AP3B1: variants seen among roughly 807,000 people sequenced by gnomAD.
The protein encoded by AP3B1 is AP-3 complex subunit beta-1.
AP3B1 carries 61 observed loss-of-function variants against 132.5 expected under a neutral mutation model. The observed-to-expected ratio is 0.46, with a 90% confidence interval of 0.37 to 0.57. The LOEUF (loss-of-function observed/expected upper bound fraction) is 0.57, where lower values mean the gene tolerates loss of function less well. AP3B1 is among the 20% of genes least tolerant of loss of function. The pLI is 0.00. For synonymous variants in AP3B1, 388 were observed against 438.3 expected (o/e 0.89, Z 1.43); for missense variants, 1,120 against 1,289.4 (o/e 0.87, Z 2.01).
intron 8 of AP3B1, among the ~76,000 whole-genome samples, chr5:78,181,124 C>T (rs575057376): frequency 1.6e-4 from 25 of 152,164 alleles, no homozygotes; most frequent in Non-Finnish European, 2.8e-4. Context: ...GATAAATATA[C>T]ATAGTTCTTA....
chr5:78,211,899 A>T (rs180814705), intron 7 of AP3B1, among the ~76,000 whole-genome samples: 181 of 152,372 alleles, frequency 1.2e-3, no homozygotes, highest in African/African-American at 4.0e-3. Flanking sequence ...GTCTTAAGTG[A>T]CTTGCTAAAA....
At chr5:78,096,590 C>T (rs1750798937) in intron 21 of AP3B1, among the ~76,000 whole-genome samples, 2 of 151,432 alleles carry the variant, frequency 1.3e-5, no homozygotes, top group African/African-American at 2.4e-5. Flanking sequence ...GGCCGCCCAT[C>T]GTCTGAGATG....
At chr5:78,080,463 T>TC (rs1391872002) in intron 22 of AP3B1, among the ~76,000 whole-genome samples, 2 of 149,968 alleles carry the variant, frequency 1.3e-5, no homozygotes, top group African/African-American at 2.5e-5. Context: ...CTTTTTTTTT[T>TC]TTCTTTTTCT....
chr5:78,209,416 T>C (rs1170532941), intron 7 of AP3B1, among the ~76,000 whole-genome samples: 1 of 152,214 alleles, frequency 6.6e-6, no homozygotes, highest in Non-Finnish European at 1.5e-5. Flanking sequence ...ACATTTCCGT[T>C]CTATTGATTC....
At chr5:78,173,349 C>T (rs1476117750) in intron 11 of AP3B1, among the ~76,000 whole-genome samples, 1 of 152,102 alleles carries the variant, frequency 6.6e-6, no homozygotes, top group Non-Finnish European at 1.5e-5. Flanking sequence ...CTAATATTGA[C>T]AGTGGGGTGT....
In AP3B1 at chr5:78,036,335, G is replaced by T. The variant is rs1017783562; in HGVS notation, c.2810-1890C>A. Among the ~76,000 whole-genome samples the T allele has an allele frequency of 2.0e-5, 3 of 152,232 alleles. No homozygotes were observed. In the East Asian group the frequency reaches 5.8e-4, roughly 29 times the overall value. On this transcript the variant is annotated intron_variant, in intron 23 of 26. Transcript: ENST00000255194. Reference sequence around the variant, plus strand: ...AAACTGGGAAAGCTTACCCAATTAGGTGTCTCTGTTTGGACACCATTTCTA... The same window carrying T: ...AAACTGGGAAAGCTTACCCAATTAGTTGTCTCTGTTTGGACACCATTTCTA...
chr5:78,259,262 A>T (rs1747980816), intron 2 of AP3B1, among the ~76,000 whole-genome samples: 1 of 149,994 alleles, frequency 6.7e-6, no homozygotes, highest in African/African-American at 2.4e-5. Flanking sequence ...AAAAAAAAAG[A>T]AAGAAAGAAA....
At chr5:78,083,228 A>C (rs1460199413) in intron 22 of AP3B1, among the ~76,000 whole-genome samples, 2 of 152,238 alleles carry the variant, frequency 1.3e-5, no homozygotes, top group Non-Finnish European at 2.9e-5. Flanking sequence ...TTTGATAAGA[A>C]ACAAAAAACG....
At chr5:78,107,974 A>G (rs1414656769) in intron 20 of AP3B1, among the ~76,000 whole-genome samples, 1 of 152,220 alleles carries the variant, frequency 6.6e-6, no homozygotes, top group Non-Finnish European at 1.5e-5. Flanking sequence ...AGGTACTAGC[A>G]TGTCTGCTTT....
chr5:78,015,399 A>G lies in AP3B1; in HGVS notation c.3131+11T>C. On this transcript the variant is annotated intron_variant, in intron 26 of 26. Coordinates refer to ENST00000255194, the MANE Select transcript of AP3B1 (RefSeq NM_003664.5). ...CATCTTCACCTCCACATCGTGTGTTAGTGAACCTACCTGTGTATATTATCC... is the reference window on the plus strand; with the variant it reads ...CATCTTCACCTCCACATCGTGTGTTGGTGAACCTACCTGTGTATATTATCC... 2 of 1,613,190 alleles carry G rather than the reference A, an allele frequency of 1.2e-6. No homozygotes were observed. Among genetic ancestry groups the G allele is most frequent in the Non-Finnish European group, 1.7e-6 (2 of 1,179,272 alleles).
rs116827700 is a variant in AP3B1, at chr5:78,066,836, G to A, written c.2577+22557C>T. On this transcript the variant is annotated intron_variant, in intron 22 of 26. Coordinates refer to ENST00000255194, the MANE Select transcript of AP3B1 (RefSeq NM_003664.5). ...AGAGAACCCCAGTAAGATACTCCGT[G>A]AGAAGATCGACCCCAAGACACTAAT... 9.5e-3 allele frequency among the ~76,000 whole-genome samples: 1,443 copies of A among 151,918 alleles called. 7 individuals are homozygous for A. The highest frequency in any genetic ancestry group is 0.016 in the Non-Finnish European group (1,070 of 67,930).
rs1327396462 is a variant in AP3B1, at chr5:78,002,718, G to T, written c.*184C>A. ...TGCTCTTTGGTTAGCAAAGCAAAAA[G>T]GGGGAAAGTATTGCATACATGATAG... On this transcript the variant is annotated 3_prime_UTR_variant, in exon 27 of 27. Coordinates refer to ENST00000255194, the MANE Select transcript of AP3B1 (RefSeq NM_003664.5). 1 of 706,926 alleles carries T rather than the reference G, an allele frequency of 1.4e-6. No homozygotes were observed. Among genetic ancestry groups the T allele is most frequent in the East Asian group, 2.6e-5 (1 of 38,180 alleles). 43.8% of individuals were successfully genotyped at this position (706,926 alleles called of 1,614,324 possible).
At chr5:78,202,652 T>G (rs1745345930) in intron 7 of AP3B1, among the ~76,000 whole-genome samples, 1 of 150,232 alleles carries the variant, frequency 6.7e-6, no homozygotes, top group Admixed American at 6.7e-5. Flanking sequence ...AACACTATAA[T>G]GAAAAAAATT....
chr5:78,046,324 G>A (rs2112115063), intron 22 of AP3B1, among the ~76,000 whole-genome samples: 1 of 152,314 alleles, frequency 6.6e-6, no homozygotes, highest in African/African-American at 2.4e-5. Flanking sequence ...AACTGCGCAT[G>A]CGAGGGATCT....
chr5:78,244,596 G>A (rs1414678700), intron 2 of AP3B1, among the ~76,000 whole-genome samples: 2 of 152,176 alleles, frequency 1.3e-5, no homozygotes, highest in East Asian at 3.9e-4. Context: ...CAGAATACAG[G>A]AGACAGCACT....
At chr5:78,150,648 A>T (rs1753603007) in intron 14 of AP3B1, among the ~76,000 whole-genome samples, 1 of 152,198 alleles carries the variant, frequency 6.6e-6, no homozygotes, top group South Asian at 2.1e-4. Flanking sequence ...CTATAATAAT[A>T]CTATATTGTA....
intron 21 of AP3B1, among the ~76,000 whole-genome samples, chr5:78,096,401 C>T (rs1750786560): frequency 1.3e-5 from 2 of 152,080 alleles, no homozygotes; most frequent in Non-Finnish European, 1.5e-5. Flanking sequence ...CCTCCCAAAG[C>T]GTCCAGAGTG....
chr5:78,288,957 AC>A (rs990354925), intron 1 of AP3B1, among the ~76,000 whole-genome samples: 1 of 150,614 alleles, frequency 6.6e-6, no homozygotes, highest in African/African-American at 2.4e-5. Context: ...AAAAAAAAAC[AC>A]CCAAAAATAT....
At chr5:78,200,775 T>C (rs998679160) in intron 7 of AP3B1, among the ~76,000 whole-genome samples, 3 of 152,048 alleles carry the variant, frequency 2.0e-5, no homozygotes, top group Non-Finnish European at 2.9e-5. Flanking sequence ...TTACCAAATG[T>C]TGGTGAGGAT....
Sources: gnomAD v4.1 joint callset for allele counts (sites outside exome capture counted in the v4.1 genomes callset) on GRCh38, gnomAD v4.1.1 for gene constraint, MANE v1.5 for transcripts, NCBI Gene and HGNC (gene_info 2026-07-23, HGNC 2026-07-21) for gene names.